Variants in NR3C2 observed in about 807,000 individuals in gnomAD.
The protein encoded by NR3C2 is mineralocorticoid receptor.
Under a neutral mutation model 86.4 loss-of-function variants are expected in NR3C2, and 15 were observed. The observed-to-expected ratio is 0.17, with a 90% CI of 0.12 to 0.27. The LOEUF (loss-of-function observed/expected upper bound fraction) is 0.27, where lower values mean the gene tolerates loss of function less well. Ranked by LOEUF, NR3C2 falls within the 10% of genes least tolerant of loss-of-function variation. The pLI is 1.00. For missense variants in NR3C2, 960 were observed against 1,195.6 expected (o/e 0.80, Z 2.91); for synonymous variants, 458 against 450.5 (o/e 1.02, Z -0.21).
At chr4:148,342,074 G>T (rs923700945) in intron 2 of NR3C2, among the ~76,000 whole-genome samples, 1 of 152,048 alleles carries the variant, frequency 6.6e-6, no homozygotes, top group East Asian at 1.9e-4. Context: ...CAACCAGCCG[G>T]GGGGATGAGG....
rs1321554898 is a variant in NR3C2 at position 148,383,222 on chromosome 4, T to C, written c.1757+51882A>G. ...TATAACAGGATTTAAAGCTGCAATTTTGAATGATTTTTTAGAATTTTCCTT... is the reference window on the plus strand; with the variant it reads ...TATAACAGGATTTAAAGCTGCAATTCTGAATGATTTTTTAGAATTTTCCTT... On this transcript the variant is annotated intron_variant, in intron 2 of 8. Transcript: ENST00000358102. Among the ~76,000 whole-genome samples the C allele has an allele frequency of 1.3e-5, 2 of 152,156 alleles. 1 individual carries two copies. The highest frequency in any genetic ancestry group is 3.8e-4 in the East Asian group (2 of 5,196).
chr4:148,272,388 T>C (rs1456131960), intron 2 of NR3C2, among the ~76,000 whole-genome samples: 2 of 152,172 alleles, frequency 1.3e-5, no homozygotes, highest in Admixed American at 6.5e-5. Context: ...ATAAAAATCA[T>C]GTAGATTCAA....
intron 3 of NR3C2, among the ~76,000 whole-genome samples, chr4:148,224,637 G>A (rs1738048453): frequency 6.6e-6 from 1 of 152,212 alleles, no homozygotes; most frequent in African/African-American, 2.4e-5. Context: ...ATAGTGTGGT[G>A]TGTGGGAAAA....
chr4:148,403,176 T>C (rs1386590545), intron 2 of NR3C2, among the ~76,000 whole-genome samples: 1 of 152,046 alleles, frequency 6.6e-6, no homozygotes, highest in African/African-American at 2.4e-5. Context: ...TAGTCTACAG[T>C]ATAAAATCCT....
At chr4:148,260,520 C>T (rs1326804595) in intron 2 of NR3C2, among the ~76,000 whole-genome samples, 3 of 152,172 alleles carry the variant, frequency 2.0e-5, no homozygotes, top group African/African-American at 4.8e-5. Flanking sequence ...TTACTCAACA[C>T]TCTTCAGACT....
At chr4:148,304,560 G>A (rs564423223) in intron 2 of NR3C2, among the ~76,000 whole-genome samples, 1 of 152,112 alleles carries the variant, frequency 6.6e-6, no homozygotes, top group East Asian at 1.9e-4. Context: ...GGCCTTTCAG[G>A]GAGAACTGAC....
intron 3 of NR3C2, among the ~76,000 whole-genome samples, chr4:148,229,789 C>T (rs867502869): frequency 3.2e-4 from 49 of 152,282 alleles, no homozygotes; most frequent in African/African-American, 1.0e-3. Context: ...TTTTTATAAG[C>T]AGCTTAAAGT....
intron 8 of NR3C2, among the ~76,000 whole-genome samples, chr4:148,090,330 T>C (rs1731004183): frequency 6.6e-6 from 1 of 152,098 alleles, no homozygotes; most frequent in Non-Finnish European, 1.5e-5. Context: ...GACCTGAAGG[T>C]CGCATGGCCA....
intron 2 of NR3C2, among the ~76,000 whole-genome samples, chr4:148,323,646 A>G (rs113815593): frequency 0.13 from 18,981 of 151,712 alleles, 1,245 homozygotes; most frequent in Middle Eastern, 0.16. Context: ...GATTTTCCAG[A>G]AGCCGTCAGT....
intron 2 of NR3C2, among the ~76,000 whole-genome samples, chr4:148,411,924 C>T (rs953298559): frequency 6.6e-6 from 1 of 152,226 alleles, no homozygotes; most frequent in African/African-American, 2.4e-5. Flanking sequence ...AGAAAATCCA[C>T]TTATAAAACT....
intron 2 of NR3C2, among the ~76,000 whole-genome samples, chr4:148,416,339 T>TA (rs1748995461): frequency 6.6e-6 from 1 of 152,220 alleles, no homozygotes; most frequent in Non-Finnish European, 1.5e-5. Context: ...ATGTAGGACT[T>TA]ACTATGGGAC....
At chr4:148,168,057 G>A (rs1261945619) in intron 4 of NR3C2, among the ~76,000 whole-genome samples, 2 of 152,126 alleles carry the variant, frequency 1.3e-5, no homozygotes, top group African/African-American at 4.8e-5. Context: ...GAGGAAACAG[G>A]GAGAAGCCAA....
chr4:148,183,533 A>G (rs1735741815), intron 4 of NR3C2, among the ~76,000 whole-genome samples: 2 of 152,232 alleles, frequency 1.3e-5, no homozygotes, highest in South Asian at 2.1e-4. Context: ...GTGAGATGAT[A>G]TCTCACTGTG....
intron 2 of NR3C2, among the ~76,000 whole-genome samples, chr4:148,372,734 T>C (rs1446717822): frequency 1.3e-5 from 2 of 152,186 alleles, no homozygotes; most frequent in Non-Finnish European, 2.9e-5. Context: ...CTGGATCAAT[T>C]CTAAAGAAAA....
At chr4:148,135,510 A>G (rs1007671083) in intron 6 of NR3C2, among the ~76,000 whole-genome samples, 2 of 152,176 alleles carry the variant, frequency 1.3e-5, no homozygotes, top group African/African-American at 4.8e-5. Flanking sequence ...CTAGGACTGT[A>G]AGAAAATAAA....
intron 3 of NR3C2, among the ~76,000 whole-genome samples, chr4:148,219,125 T>C (rs1737700859): frequency 6.6e-6 from 1 of 152,216 alleles, no homozygotes; most frequent in Admixed American, 6.5e-5. Flanking sequence ...CTTAGTACTG[T>C]TGTTTAAAAA....
At chr4:148,173,493 T>C (rs898898563) in intron 4 of NR3C2, among the ~76,000 whole-genome samples, 3 of 152,124 alleles carry the variant, frequency 2.0e-5, no homozygotes, top group African/African-American at 7.2e-5. Flanking sequence ...AGCCAAAGAA[T>C]GTGGGCAGCC....
At chr4:148,132,055 C>A (rs920137685) in intron 6 of NR3C2, among the ~76,000 whole-genome samples, 1 of 152,148 alleles carries the variant, frequency 6.6e-6, no homozygotes, top group Non-Finnish European at 1.5e-5. Flanking sequence ...TTCCTTTATA[C>A]AGTAGTTTTT....
At chr4:148,182,756 C>A (rs914261832) in intron 4 of NR3C2, among the ~76,000 whole-genome samples, 1 of 152,188 alleles carries the variant, frequency 6.6e-6, no homozygotes, top group Non-Finnish European at 1.5e-5. Context: ...GGCTTTGCTG[C>A]CAGCAACAGA....
Sources: allele counts gnomAD v4.1 joint callset (sites outside exome capture counted in the v4.1 genomes callset), GRCh38; gene constraint gnomAD v4.1.1; transcripts MANE v1.5; gene names NCBI Gene and HGNC (gene_info 2026-07-23, HGNC 2026-07-21).